GSE1: variants seen among roughly 807,000 people sequenced by gnomAD.
GSE1 encodes the protein genetic suppressor element 1.
GSE1 carries 32 observed loss-of-function variants against 112.6 expected under a neutral mutation model. That is an observed-to-expected ratio of 0.28 (90% confidence interval 0.21 to 0.38). The LOEUF is 0.38. GSE1 is among the 10% of genes least tolerant of loss of function. The pLI is 1.00. For synonymous variants in GSE1, 1,115 were observed against 735.6 expected (o/e 1.52, Z -8.35); for missense variants, 2,348 against 1,699.2 (o/e 1.38, Z -6.71).
At chr16:85,374,537 T>C (rs562224514) in intron 2 of GSE1, among the ~76,000 whole-genome samples, 29 of 20,994 alleles carry the variant, frequency 1.4e-3, no homozygotes, top group African/African-American at 1.5e-3. Flanking sequence ...TGTGTGTGTG[T>C]GTGTGTGCGC....
chr16:85,407,326 T>A (rs796519145), intron 2 of GSE1, among the ~76,000 whole-genome samples: 288 of 2,418 alleles, frequency 0.12, no homozygotes, highest in Non-Finnish European at 0.18. Flanking sequence ...TCACTGTTAC[T>A]CTCAGGCCCC....
At chr16:85,495,826 G>C (rs180892710) in intron 2 of GSE1, among the ~76,000 whole-genome samples, 1 of 152,130 alleles carries the variant, frequency 6.6e-6, no homozygotes, top group East Asian at 1.9e-4. Context: ...ACCCCTGCCA[G>C]GGCAGTTAAG....
rs193057220 is a variant in GSE1, at chr16:85,199,283, A to T, written c.2283+27476A>T. 4.0e-5 allele frequency among the ~76,000 whole-genome samples: 6 copies of T among 151,706 alleles called. No individual in the cohort carries two copies. In the East Asian group the frequency reaches 1.2e-3, roughly 30 times the overall value. ...GTATATTTTATAGAGATGGGGTTTC[A>T]CTATGTTGTCCAGGCTGGCTTCAAA... On this transcript the variant is annotated intron_variant, in intron 1 of 2. Transcript: ENST00000637419.
At chr16:85,522,068 G>A (rs2052204133) in intron 2 of GSE1, among the ~76,000 whole-genome samples, 1 of 152,202 alleles carries the variant, frequency 6.6e-6, no homozygotes, top group Non-Finnish European at 1.5e-5. Context: ...ACGGTCTTTG[G>A]AAGCCAGGCA....
Position 85,419,101 on chromosome 16 carries a change from G to C in GSE1, c.2464+61458G>C, listed in dbSNP as rs754838483. Among the ~76,000 whole-genome samples, 1 of 152,148 alleles carries C rather than the reference G, an allele frequency of 6.6e-6. No individual in the cohort carries two copies. Among genetic ancestry groups the C allele is most frequent in the African/African-American group, 2.4e-5 (1 of 41,438 alleles). On this transcript the variant is annotated intron_variant, in intron 2 of 2. Transcript: ENST00000637419. The surrounding 1 kb of genome is among the most constrained non-coding windows in gnomAD (Gnocchi z 6.5). The stretch of plus-strand genomic sequence containing the variant: ...GTGGGCGTCCCAGCGCACAGATGGC[G>C]TGTAAAGCTGGGAGACTGGGGAGAC...
chr16:85,614,331 C>A (rs867862628), intron 1 of GSE1, among the ~76,000 whole-genome samples: 1 of 152,154 alleles, frequency 6.6e-6, no homozygotes, highest in East Asian at 1.9e-4. Flanking sequence ...GCCGCCCGCC[C>A]GCCTCTCTAG....
At chr16:85,256,257 G>GTGA (rs1907069592) in intron 1 of GSE1, among the ~76,000 whole-genome samples, 1 of 152,044 alleles carries the variant, frequency 6.6e-6, no homozygotes, top group African/African-American at 2.4e-5. Context: ...CAACAAACAT[G>GTGA]TGATGATAAT....
At chr16:85,616,323 A>G (rs1341414863) in intron 1 of GSE1, among the ~76,000 whole-genome samples, 1 of 152,248 alleles carries the variant, frequency 6.6e-6, no homozygotes, top group Non-Finnish European at 1.5e-5. Flanking sequence ...CTTTTCTGGA[A>G]GAGTGCGGAT....
chr16:85,547,670 C>G (rs1212053067), intron 2 of GSE1, among the ~76,000 whole-genome samples: 1 of 150,378 alleles, frequency 6.6e-6, no homozygotes, highest in Non-Finnish European at 1.5e-5. Flanking sequence ...CACCTGAAGT[C>G]AGGAGTTCGA....
At chr16:85,214,277 G>C (rs925794851) in intron 1 of GSE1, among the ~76,000 whole-genome samples, 1 of 152,162 alleles carries the variant, frequency 6.6e-6, no homozygotes, top group Admixed American at 6.5e-5. Flanking sequence ...CCCAGAACCT[G>C]TGAGTGTGAC....
chr16:85,488,728 ATGGAGAC>A (rs1275243958), intron 2 of GSE1, among the ~76,000 whole-genome samples: 1 of 152,142 alleles, frequency 6.6e-6, no homozygotes, highest in East Asian at 1.9e-4. Context: ...GGACAGAGTG[ATGGAGAC>A]TGGAGGAGGA....
intron 2 of GSE1, among the ~76,000 whole-genome samples, chr16:85,430,139 C>A (rs143834408): frequency 1.3e-5 from 2 of 152,216 alleles, no homozygotes; most frequent in South Asian, 2.1e-4. Context: ...TGAGCACTTA[C>A]AACATCCCAG....
intron 1 of GSE1, among the ~76,000 whole-genome samples, chr16:85,237,952 G>C (rs1346207279): frequency 6.6e-6 from 1 of 152,186 alleles, no homozygotes; most frequent in East Asian, 1.9e-4. Flanking sequence ...GGACATCGTA[G>C]GAGTTTGCTC....
intron 1 of GSE1, among the ~76,000 whole-genome samples, chr16:85,316,603 C>T (rs1009319714): frequency 6.6e-6 from 1 of 152,212 alleles, no homozygotes; most frequent in Non-Finnish European, 1.5e-5. Flanking sequence ...CAGTAGGGGG[C>T]AGTGGAGGTC....
At chr16:85,305,755 C>T (rs1469748965) in intron 1 of GSE1, among the ~76,000 whole-genome samples, 2 of 152,120 alleles carry the variant, frequency 1.3e-5, no homozygotes, top group African/African-American at 4.8e-5. Context: ...GGATTACAGG[C>T]GTGAGTCACT....
chr16:85,332,605 G>A (rs55972124), intron 1 of GSE1, among the ~76,000 whole-genome samples: 9,269 of 152,218 alleles, frequency 0.061, 337 homozygotes, highest in Non-Finnish European at 0.078. Flanking sequence ...AGCCAGGGCC[G>A]CACTGCTCTC....
At chr16:85,391,499 C>G (rs2047838082) in intron 2 of GSE1, among the ~76,000 whole-genome samples, 1 of 152,224 alleles carries the variant, frequency 6.6e-6, no homozygotes, top group South Asian at 2.1e-4. Flanking sequence ...TGCTTCCTGC[C>G]TCTTCCAGTC....
At chr16:85,349,286 AT>A (rs900549016) in intron 1 of GSE1, among the ~76,000 whole-genome samples, 5 of 152,116 alleles carry the variant, frequency 3.3e-5, no homozygotes, top group Non-Finnish European at 7.4e-5. Context: ...TTATGGAGCT[AT>A]TACAGGGAAT....
rs746329890 is a variant in GSE1, at chr16:85,654,241, C to G, written c.427-37C>G. 1.9e-6 allele frequency: 3 copies of G among 1,557,132 alleles called. No individual in the cohort carries two copies. In the South Asian group the frequency reaches 3.5e-5, roughly 18 times the overall value. ...GTGTCCTGTGGTCAGTGGCCTATAC[C>G]AGGCTCCTGCCCTGACTGGACGCTC... On this transcript the variant is annotated intron_variant, in intron 3 of 15. Coordinates refer to ENST00000253458, the MANE Select transcript of GSE1 (RefSeq NM_014615.5).
Sources: gnomAD v4.1 joint callset for allele counts (sites outside exome capture counted in the v4.1 genomes callset) on GRCh38, gnomAD v4.1.1 for gene constraint, Gnocchi (gnomAD v3.1) non-coding constraint, MANE v1.5 for transcripts, NCBI Gene and HGNC (gene_info 2026-07-23, HGNC 2026-07-21) for gene names.